The following GTF3C2 variants were observed in gnomAD, a reference collection of about 807,000 sequenced individuals.
GTF3C2 encodes general transcription factor IIIC subunit 2.
GTF3C2 carries 17 observed loss-of-function variants against 117.4 expected under a neutral mutation model. The observed-to-expected ratio is 0.14, with a 90% CI of 0.10 to 0.22. The LOEUF is 0.22. Ranked by LOEUF, GTF3C2 falls within the 10% of genes least tolerant of loss-of-function variation. GTF3C2 has a pLI of 1.00. For synonymous variants in GTF3C2, 437 were observed against 427.0 expected (o/e 1.02, Z -0.29); for missense variants, 888 against 1,143.6 (o/e 0.78, Z 3.22).
intron 7 of GTF3C2, chr2:27,336,646 C>T: frequency 2.0e-6 from 1 of 504,586 alleles, no homozygotes; most frequent in Non-Finnish European, 3.5e-6. Context: ...TGGGGTCTGT[C>T]ACCCAGGATG....
intron 12 of GTF3C2, among the ~76,000 whole-genome samples, chr2:27,330,630 G>C: frequency 6.6e-6 from 1 of 151,962 alleles, no homozygotes; most frequent in Non-Finnish European, 1.5e-5. Flanking sequence ...AAGAGTTTGA[G>C]ACCAGCCTGG....
chr2:27,337,260 G>A (rs377289781), exon 7 of GTF3C2: 1 of 1,603,784 alleles, frequency 6.2e-7, no homozygotes, highest in Non-Finnish European at 8.5e-7. Context: ...ATTCGGTAGA[G>A]GGTGCCATCT....
chr2:27,343,166 G>A lies in GTF3C2; in HGVS notation c.248-19C>T, dbSNP rs755294760. ...GAAAGATCTGTGGAGAAGAATATGG[G>A]TCTGTGAGATGGGACCAGAACTCAA... On this transcript the variant is annotated intron_variant, in intron 2 of 18. Coordinates refer to ENST00000264720, the Ensembl canonical transcript of GTF3C2. 2 of 1,541,404 alleles carry A rather than the reference G, an allele frequency of 1.3e-6. No individual in the cohort carries two copies. Among genetic ancestry groups the A allele is most frequent in the Non-Finnish European group, 1.8e-6 (2 of 1,141,094 alleles).
chr2:27,333,619 G>GC (rs1680355053), intron 12 of GTF3C2, 36 bp downstream of exon 12: 1 of 1,476,270 alleles, frequency 6.8e-7, no homozygotes, highest in African/African-American at 1.4e-5. Context: ...AATTTAAAGA[G>GC]CAATAGTTCC....
rs1191050681 is a variant in GTF3C2, at chr2:27,337,564, G to A, written c.951-6C>T. On this transcript the variant is annotated splice_polypyrimidine_tract_variant and splice_region_variant and intron_variant, in intron 5 of 18. Coordinates refer to ENST00000264720, the Ensembl canonical transcript of GTF3C2. ...ATGAATGTTTCTGCTCTCGGCTGGA[G>A]AAACAGAAGAAGCATTAATGAAGGA... is the stretch of plus-strand genomic sequence containing the variant. 3.8e-6 allele frequency: 6 copies of A among 1,587,178 alleles called. No individual in the cohort carries two copies. Among genetic ancestry groups the A allele is most frequent in the African/African-American group, 2.7e-5 (2 of 74,390 alleles).
Position 27,329,351 on chromosome 2 carries a change from C to A in GTF3C2, c.1877+28G>T. On this transcript the variant is annotated intron_variant, in intron 13 of 18. Coordinates refer to ENST00000264720, the Ensembl canonical transcript of GTF3C2. The surrounding 1 kb of genome is among the most constrained non-coding windows in gnomAD (Gnocchi z 4.5). ...GTCAGCCTGTCCCAGTCTTCACCTT[C>A]CCCCTCCACATACCTCCTATTCCAT... The A allele has an allele frequency of 6.2e-7, 1 of 1,613,884 alleles. No individual in the cohort carries two copies.
chr2:27,355,095 CTTT>C (rs1354835280), intron 1 of GTF3C2, among the ~76,000 whole-genome samples: 2 of 152,210 alleles, frequency 1.3e-5, no homozygotes, highest in African/African-American at 4.8e-5. Context: ...CGTTACTGAT[CTTT>C]TTAATTTTCG....
chr2:27,342,082 C>G, exon 4 of GTF3C2: 1 of 1,614,152 alleles, frequency 6.2e-7, no homozygotes, highest in South Asian at 1.1e-5. Context: ...CGTGGAGCAC[C>G]ATCCACCTCT....
intron 1 of GTF3C2, chr2:27,356,297 G>C (rs937879940): frequency 2.6e-6 from 1 of 378,434 alleles, no homozygotes; most frequent in Non-Finnish European, 5.2e-6. Flanking sequence ...GGACACAGCT[G>C]AAAGAGATTG....
intron 15 of GTF3C2, 53 bp downstream of exon 15, chr2:27,328,791 T>A: frequency 7.5e-7 from 1 of 1,335,680 alleles, no homozygotes; most frequent in Non-Finnish European, 1.1e-6. Context: ...TAATAGTGCA[T>A]AAATGAGCCA....
intron 4 of GTF3C2, chr2:27,339,604 A>C (rs1183518201): frequency 6.6e-6 from 1 of 152,022 alleles, no homozygotes; most frequent in Non-Finnish European, 1.5e-5. Flanking sequence ...TGAGGCAAGT[A>C]AGGCACTGGT....
chr2:27,330,039 G>A (rs918117609), intron 12 of GTF3C2, among the ~76,000 whole-genome samples: 2 of 151,606 alleles, frequency 1.3e-5, no homozygotes, highest in African/African-American at 4.9e-5. Flanking sequence ...CCAGCTACTC[G>A]GGAGGCTAAA....
At chr2:27,333,757 C>T in exon 12 of GTF3C2, 1 of 1,606,172 alleles carries the variant, frequency 6.2e-7, no homozygotes. Flanking sequence ...TGCATAGACC[C>T]CACCTGCAGA....
rs779013527 is a variant in GTF3C2, at chr2:27,343,406, T to G, written c.149A>C (p.Glu50Ala). The G allele has an allele frequency of 8.1e-6, 13 of 1,613,862 alleles. No homozygotes were observed. The Admixed American group carries it at 2.2e-4, about 27-fold the overall frequency. The change falls in exon 2 of 19, where the codon GAG becomes GCG. Residue 50 changes from glutamate (E) to alanine (A), a missense_variant. This residue lies in a region of GTF3C2 where 393 missense variants were observed against 401.5 expected (regional missense o/e 0.98). Transcript: ENST00000264720. Reference sequence around the variant, plus strand: ...AGGCAAAGGGGTAGGTAATGACATCTCTACGGAAGCCTCTGCACTGGTCAT... The same window carrying G: ...AGGCAAAGGGGTAGGTAATGACATCGCTACGGAAGCCTCTGCACTGGTCAT...
intron 1 of GTF3C2, among the ~76,000 whole-genome samples, chr2:27,352,780 AATC>A (rs1213569944): frequency 1.3e-5 from 2 of 152,240 alleles, no homozygotes; most frequent in African/African-American, 2.4e-5. Flanking sequence ...GTGAAATTAA[AATC>A]ATCAATAATC....
intron 4 of GTF3C2, among the ~76,000 whole-genome samples, chr2:27,338,460 G>GCGCA (rs766733222): frequency 1.3e-5 from 1 of 76,122 alleles, no homozygotes; most frequent in Non-Finnish European, 3.5e-5. Context: ...GCGCACGCGC[G>GCGCA]CACACACACA....
At chr2:27,346,984 C>T (rs1680940173) in intron 1 of GTF3C2, among the ~76,000 whole-genome samples, 1 of 152,200 alleles carries the variant, frequency 6.6e-6, no homozygotes, top group African/African-American at 2.4e-5. Flanking sequence ...GTGTAAGCCA[C>T]CATGTCTGGC....
chr2:27,355,252 G>A (rs1681292727), intron 1 of GTF3C2, among the ~76,000 whole-genome samples: 2 of 152,166 alleles, frequency 1.3e-5, no homozygotes. Context: ...GCCGGGCACG[G>A]TGGCTCACGC....
intron 16 of GTF3C2, 138 bp downstream of exon 16, chr2:27,328,330 A>T (rs1680158599): frequency 1.9e-6 from 2 of 1,038,484 alleles, no homozygotes; most frequent in Non-Finnish European, 2.9e-6. Context: ...ACGGTAGGGA[A>T]GATTATATAC....
Sources: gnomAD v4.1 joint callset for allele counts (sites outside exome capture counted in the v4.1 genomes callset) on GRCh38, gnomAD v4.1.1 for gene constraint, gnomAD v4.1.1 regional missense constraint, Gnocchi (gnomAD v3.1) non-coding constraint, MANE v1.5 for transcripts, NCBI Gene and HGNC (gene_info 2026-07-23, HGNC 2026-07-21) for gene names.